Variants in ARFGEF3 observed in about 807,000 individuals in gnomAD.
ARFGEF3 encodes the protein brefeldin A-inhibited guanine nucleotide-exchange protein 3.
A neutral mutation model predicts 221.7 loss-of-function variants in ARFGEF3; 96 were observed. That is an observed-to-expected ratio of 0.43 (90% CI 0.37 to 0.51). The LOEUF is 0.51. Among genes scored for constraint, ARFGEF3 ranks in the 20% least tolerant of loss-of-function variants. The pLI, the probability that ARFGEF3 is intolerant of heterozygous loss-of-function variation, is 0.00. For synonymous variants in ARFGEF3, 1,145 were observed against 1,126.8 expected (o/e 1.02, Z -0.32); for missense variants, 2,410 against 2,789.9 (o/e 0.86, Z 3.07).
chr6:138,258,156 A>C (rs151129453), intron 10 of ARFGEF3, among the ~76,000 whole-genome samples: 31 of 152,164 alleles, frequency 2.0e-4, no homozygotes, highest in Non-Finnish European at 2.5e-4. Flanking sequence ...GCCTTCTTCC[A>C]TCATTTGCAT....
chr6:138,198,011 G>A (rs1236205025), intron 2 of ARFGEF3, among the ~76,000 whole-genome samples: 1 of 152,086 alleles, frequency 6.6e-6, no homozygotes, highest in African/African-American at 2.4e-5. Flanking sequence ...ATTTGCATTG[G>A]TGTATATTTA....
intron 2 of ARFGEF3, among the ~76,000 whole-genome samples, chr6:138,174,942 G>A (rs1776909794): frequency 1.3e-5 from 2 of 152,122 alleles, no homozygotes; most frequent in African/African-American, 4.8e-5. Context: ...GACCTATGTT[G>A]TATTATTTTT....
At chr6:138,169,108 A>G (rs1161373958) in intron 1 of ARFGEF3, among the ~76,000 whole-genome samples, 2 of 152,228 alleles carry the variant, frequency 1.3e-5, no homozygotes, top group East Asian at 3.9e-4. Context: ...TGAAACTTAC[A>G]GAGGATAAGT....
At chr6:138,294,835 G>A (rs79592308) in intron 20 of ARFGEF3, among the ~76,000 whole-genome samples, 265 of 152,288 alleles carry the variant, frequency 1.7e-3, no homozygotes, top group African/African-American at 6.1e-3. Context: ...GGCAGAGACC[G>A]GGAGCCATGT....
chr6:138,325,147 A>G (rs979770243), intron 31 of ARFGEF3, among the ~76,000 whole-genome samples: 2 of 152,252 alleles, frequency 1.3e-5, no homozygotes, highest in Non-Finnish European at 2.9e-5. Context: ...TTATGAATGT[A>G]ATTGAACTGT....
intron 7 of ARFGEF3, 141 bp downstream of exon 7, chr6:138,243,135 CT>C: frequency 1.4e-6 from 1 of 705,750 alleles, no homozygotes; most frequent in Non-Finnish European, 2.5e-6. Context: ...TTGGCTTTGC[CT>C]TAGGTGGCAT....
Position 138,291,890 on chromosome 6 carries a change from C to A in ARFGEF3, c.3205C>A (p.Gln1069Lys). 1 of 1,495,606 alleles carries A rather than the reference C, an allele frequency of 6.7e-7. No homozygotes were observed. Among genetic ancestry groups the A allele is most frequent in the Non-Finnish European group, 8.9e-7 (1 of 1,117,752 alleles). The allele number at this position is 1,495,606 out of a possible 1,614,324, so 92.6% of individuals were successfully genotyped here. The change falls in exon 19 of 34, where the codon CAG (glutamine) becomes AAG (lysine). Residue 1069 changes from glutamine to lysine, a missense_variant. Gln to Lys is a moderately conservative substitution (Grantham distance 53). Transcript: ENST00000251691. The surrounding 1 kb of genome is among the most constrained non-coding windows in gnomAD (Gnocchi z 4.5). Reference sequence around the variant, plus strand: ...CTCGCCCCCCGAGCACAGCCCGGAGCAGGGGCGCTCCCTGAGCACGGCCCC... The same window carrying A: ...CTCGCCCCCCGAGCACAGCCCGGAGAAGGGGCGCTCCCTGAGCACGGCCCC... ...EGSPPEHSPE[Q>K]GRSLSTAPVV...
Position 138,255,703 on chromosome 6 carries a change from C to T in ARFGEF3, c.1038C>T (p.Leu346=). Residue 346 remains leucine, a synonymous_variant, in exon 10 of 34, where the codon CTC becomes CTT. Transcript: ENST00000251691. The part of the protein sequence containing the change: ...VDSMKPVLQS[L]YHRVLLYPPP... ...CCATGAAGCCCGTGCTCCAGTCCCT[C>T]TACCACCGAGTGCTGCTCTACCCCC... 2 of 1,612,106 alleles carry T rather than the reference C, an allele frequency of 1.2e-6. No individual in the cohort carries two copies. Among genetic ancestry groups the T allele is most frequent in the Non-Finnish European group, 1.7e-6 (2 of 1,178,840 alleles).
intron 17 of ARFGEF3, among the ~76,000 whole-genome samples, chr6:138,288,550 G>A (rs1329040322): frequency 8.6e-5 from 13 of 152,004 alleles, no homozygotes; most frequent in African/African-American, 1.9e-4. Context: ...TTAGCTGGGC[G>A]TGGTGGTGGG....
chr6:138,214,624 A>G (rs1777800657), intron 4 of ARFGEF3, among the ~76,000 whole-genome samples: 1 of 152,200 alleles, frequency 6.6e-6, no homozygotes, highest in Admixed American at 6.5e-5. Flanking sequence ...ACCATGTCAC[A>G]CTCTAAAGTG....
chr6:138,303,391 C>T (rs1484946931), intron 22 of ARFGEF3, among the ~76,000 whole-genome samples: 1 of 152,084 alleles, frequency 6.6e-6, no homozygotes, highest in Non-Finnish European at 1.5e-5. Context: ...GTAAATAGAA[C>T]CATGTCAATA....
At chr6:138,325,408 C>T (rs1215038456) in intron 31 of ARFGEF3, among the ~76,000 whole-genome samples, 1 of 152,228 alleles carries the variant, frequency 6.6e-6, no homozygotes, top group Non-Finnish European at 1.5e-5. Context: ...CAGTTTCTCA[C>T]ATCTCTGCTG....
intron 6 of ARFGEF3, among the ~76,000 whole-genome samples, chr6:138,240,836 T>C (rs1203298572): frequency 6.6e-6 from 1 of 152,132 alleles, no homozygotes; most frequent in Admixed American, 6.6e-5. Context: ...GAATCATCTA[T>C]AGGAATGGAG....
chr6:138,333,542 T>C lies in ARFGEF3; in HGVS notation c.5124-428T>C, dbSNP rs142006624. On this transcript the variant is annotated intron_variant, in intron 32 of 33. Coordinates refer to ENST00000251691, the MANE Select transcript of ARFGEF3 (RefSeq NM_020340.5). ...CTGCAAGCTCCACCTCCCGGGTTCATGCCATTCTCCTGCTTCAGCCTCCCT... is the reference window on the plus strand; with the variant it reads ...CTGCAAGCTCCACCTCCCGGGTTCACGCCATTCTCCTGCTTCAGCCTCCCT... Among the ~76,000 whole-genome samples the C allele has an allele frequency of 1.2e-3, 178 of 152,208 alleles. No homozygotes were observed. The East Asian group carries it at 0.022, about 19-fold the overall frequency.
At chr6:138,186,886 T>G (rs1317824498) in intron 2 of ARFGEF3, among the ~76,000 whole-genome samples, 2 of 150,898 alleles carry the variant, frequency 1.3e-5, no homozygotes, top group Non-Finnish European at 2.9e-5. Flanking sequence ...CACGAGTTAT[T>G]CCTCTCATCC....
At chr6:138,282,896 C>A (rs768367763) in intron 14 of ARFGEF3, among the ~76,000 whole-genome samples, 1 of 151,948 alleles carries the variant, frequency 6.6e-6, no homozygotes, top group African/African-American at 2.4e-5. Context: ...AAAAAAAATA[C>A]AAAAATTAGC....
At chr6:138,168,120 A>G (rs1388175995) in intron 1 of ARFGEF3, among the ~76,000 whole-genome samples, 1 of 152,214 alleles carries the variant, frequency 6.6e-6, no homozygotes, top group African/African-American at 2.4e-5. Context: ...TCCAAGTGTT[A>G]GGGATAACAT....
At chr6:138,265,399 CAT>C (rs1165439627) in intron 12 of ARFGEF3, among the ~76,000 whole-genome samples, 3 of 152,110 alleles carry the variant, frequency 2.0e-5, no homozygotes, top group Admixed American at 2.0e-4. Context: ...GGCTACCTAA[CAT>C]ATTTTTTTCC....
intron 4 of ARFGEF3, 135 bp downstream of exon 4, chr6:138,210,176 C>T (rs566070452): frequency 1.2e-6 from 1 of 830,472 alleles, no homozygotes; most frequent in African/African-American, 1.7e-5. Context: ...GCTTGTTATT[C>T]TTGCTCATGG....
Sources: gnomAD v4.1 joint callset for allele counts (sites outside exome capture counted in the v4.1 genomes callset) on GRCh38, gnomAD v4.1.1 for gene constraint, Gnocchi (gnomAD v3.1) non-coding constraint, MANE v1.5 for transcripts, NCBI Gene and HGNC (gene_info 2026-07-23, HGNC 2026-07-21) for gene names.